TOP2A: variants seen among roughly 807,000 people sequenced by gnomAD.
The protein encoded by TOP2A is DNA topoisomerase II alpha, also known as DNA topoisomerase 2-alpha.
A neutral mutation model predicts 187.2 loss-of-function variants in TOP2A; 68 were observed. The observed-to-expected ratio is 0.36, with a 90% CI of 0.30 to 0.44. The LOEUF is 0.44. Among genes scored for constraint, TOP2A ranks in the 20% least tolerant of loss-of-function variants. TOP2A has a pLI of 1.00. For missense variants in TOP2A, 1,196 were observed against 1,808.7 expected (o/e 0.66, Z 6.14); for synonymous variants, 542 against 593.2 (o/e 0.91, Z 1.25).
Position 40,402,958 on chromosome 17 carries a change from G to A in TOP2A, c.2380C>T (p.Leu794=), listed in dbSNP as rs1490399368. ...CTAGCAGAATCCTTGCCACCATGTA[G>A]CCTGGTACCAAACTGACCAATGGGC... ...LQPIGQFGTR[L]HGGKDSASPR... The change falls in exon 20 of 35, where the codon CTA becomes TTA. Residue 794 remains leucine (L), a synonymous_variant. Transcript: ENST00000423485. 4 of 1,608,828 alleles carry A rather than the reference G, an allele frequency of 2.5e-6. No individual in the cohort carries two copies. In the East Asian group the frequency reaches 8.9e-5, roughly 36 times the overall value.
At chr17:40,395,937 G>A (rs999709383) in intron 28 of TOP2A, among the ~76,000 whole-genome samples, 2 of 151,566 alleles carry the variant, frequency 1.3e-5, no homozygotes, top group East Asian at 3.9e-4. Flanking sequence ...ATTTTAAGTG[G>A]ACATATGCAT....
In TOP2A at chr17:40,411,858, TA is replaced by T. The variant is rs758889993; in HGVS notation, c.790-41del. The T allele has an allele frequency of 6.7e-7, 1 of 1,498,516 alleles. No homozygotes were observed. Among genetic ancestry groups the T allele is most frequent in the African/African-American group, 1.4e-5 (1 of 71,072 alleles). 92.8% of individuals were successfully genotyped at this position (1,498,516 alleles called of 1,614,324 possible). On this transcript the variant is annotated intron_variant, in intron 7 of 34. Coordinates refer to ENST00000423485, the MANE Select transcript of TOP2A (RefSeq NM_001067.4). This position sits in a 1 kb window ranked among gnomAD's most constrained non-coding sequence, Gnocchi z 4.4. ...AAGGTAACAGTATTAAGAAAGTTAT[TA>T]AAAAATAGGTTCAATGATAGACTAT...
intron 29 of TOP2A, among the ~76,000 whole-genome samples, chr17:40,394,685 T>C (rs1180005178): frequency 2.0e-5 from 3 of 152,192 alleles, no homozygotes; most frequent in Non-Finnish European, 4.4e-5. Context: ...TCAATAAAGA[T>C]GTTTCAAAAA....
chr17:40,416,059 G>C lies in TOP2A; in HGVS notation c.278C>G (p.Ala93Gly). ...TTTTGGGTCCCTTTGTTTGTTGTCC[G>C]CAGCATTAACTGAAAGAAAATAAAA... The part of the protein sequence containing the change: ...KIFDEILVNA[A>G]DNKQRDPKMS... Residue 93 changes from alanine (A) to glycine (G), a missense_variant, in exon 4 of 35, where the codon GCG becomes GGG. Transcript: ENST00000423485. 1 of 1,576,494 alleles carries C rather than the reference G, an allele frequency of 6.3e-7. No homozygotes were observed. Among genetic ancestry groups the C allele is most frequent in the Admixed American group, 1.8e-5 (1 of 55,658 alleles).
chr17:40,400,384 G>T lies in TOP2A; in HGVS notation c.2825C>A (p.Pro942His). The T allele has an allele frequency of 6.2e-7, 1 of 1,612,934 alleles. No homozygotes were observed. Among genetic ancestry groups the T allele is most frequent in the Non-Finnish European group, 8.5e-7 (1 of 1,179,676 alleles). Reference sequence around the variant, plus strand: ...TGTCTTCTCGGTGCCATTCAACATGGGTTCTAGAACTTGTTCTTTGTATGT... The same window carrying T: ...TGTCTTCTCGGTGCCATTCAACATGTGTTCTAGAACTTGTTCTTTGTATGT... ...TQTYKEQVLE[P>H]MLNGTEKTPP... Residue 942 changes from proline (P) to histidine (H), a missense_variant, in exon 23 of 35, where the codon CCC (proline) becomes CAC (histidine). Transcript: ENST00000423485.
chr17:40,400,734 A>G, intron 21 of TOP2A, 71 bp from the exon 22 acceptor site: 1 of 1,542,088 alleles, frequency 6.5e-7, no homozygotes, highest in Admixed American at 2.0e-5. Context: ...ACAGCGTTTA[A>G]CAATAAATCT....
chr17:40,407,004 C>G lies in TOP2A; in HGVS notation c.1627-62G>C, dbSNP rs556162567. The G allele has an allele frequency of 2.6e-4, 347 of 1,348,188 alleles. No homozygotes were observed. The African/African-American group carries it at 4.3e-3, about 17-fold the overall frequency. 83.5% of individuals were successfully genotyped at this position (1,348,188 alleles called of 1,614,324 possible). A position where few individuals can be genotyped will look rare whatever the true frequency, so the allele number is the denominator to read the frequency against. On this transcript the variant is annotated intron_variant, in intron 13 of 34. Transcript: ENST00000423485. ...TTAGGCTGGGCGTGGTAGCTAACAT[C>G]TGTAATCCCAGAACTTTGGGAGGCC...
At position 40,411,596 on chromosome 17, in the gene TOP2A, A is replaced by G; in HGVS notation, c.963+49T>C. 5.7e-6 allele frequency: 9 copies of G among 1,573,754 alleles called. No homozygotes were observed. The highest frequency in any genetic ancestry group is 7.8e-6 in the Non-Finnish European group (9 of 1,150,544). On this transcript the variant is annotated intron_variant, in intron 8 of 34. Coordinates refer to ENST00000423485, the MANE Select transcript of TOP2A (RefSeq NM_001067.4). The surrounding 1 kb of genome is among the most constrained non-coding windows in gnomAD (Gnocchi z 4.4). ...TTTATATATTAAAAACAATAAGAAC[A>G]CATATATGTAAAGATAAATCATGAT...
rs760009669 is a variant in TOP2A, at chr17:40,404,205, C to G, written c.2230G>C (p.Val744Leu). Residue 744 changes from valine (V) to leucine (L), a missense_variant, in exon 19 of 35, where the codon GTT becomes CTT. Around this residue, in one of 10 missense-constraint regions of TOP2A, gnomAD observed 209 missense variants for 376.9 expected, o/e 0.55. Transcript: ENST00000423485. Reference protein sequence around the residue: ...FKRNDKREVKVAQLAGSVAEM... With the variant: ...FKRNDKREVKLAQLAGSVAEM... Reference sequence around the variant, plus strand: ...GCCACTGATCCAGCTAATTGGGCAACCTTTACTTCTCGCTTGTCATTCCGT... The same window carrying G: ...GCCACTGATCCAGCTAATTGGGCAAGCTTTACTTCTCGCTTGTCATTCCGT... 1 of 1,613,874 alleles carries G rather than the reference C, an allele frequency of 6.2e-7. No homozygotes were observed. Among genetic ancestry groups the G allele is most frequent in the Non-Finnish European group, 8.5e-7 (1 of 1,179,854 alleles).
Position 40,401,033 on chromosome 17 carries a change from C to T in TOP2A, c.2481G>A (p.Lys827=). Residue 827 remains lysine, a synonymous_variant, in exon 21 of 35, where the codon AAG becomes AAA. Transcript: ENST00000423485. Reference sequence around the variant, plus strand: ...CACGCTGGTTGTCATCATATAAAAACTTCAACGTGTGATCATCTTTTGGTG... The same window carrying T: ...CACGCTGGTTGTCATCATATAAAAATTTCAACGTGTGATCATCTTTTGGTG... ...LFPPKDDHTL[K]FLYDDNQRVE... The T allele has an allele frequency of 1.2e-6, 2 of 1,613,962 alleles. No homozygotes were observed. The highest frequency in any genetic ancestry group is 1.7e-6 in the Non-Finnish European group (2 of 1,179,868).
Position 40,403,072 on chromosome 17 carries a change from T to C in TOP2A, c.2284-18A>G, listed in dbSNP as rs1316759329. On this transcript the variant is annotated intron_variant, in intron 19 of 34. Coordinates refer to ENST00000423485, the MANE Select transcript of TOP2A (RefSeq NM_001067.4). ...AGTGACATCTGTGGGGAAAAAAAGA[T>C]TCATTAAGCTGAGGCTTTTACTAAT... 5.1e-6 allele frequency: 8 copies of C among 1,579,674 alleles called. No homozygotes were observed. The East Asian group carries it at 1.8e-4, about 36-fold the overall frequency.
At chr17:40,393,558 C>T (rs535361221) in intron 29 of TOP2A, among the ~76,000 whole-genome samples, 25 of 152,196 alleles carry the variant, frequency 1.6e-4, no homozygotes, top group Non-Finnish European at 1.8e-4. Context: ...AGAATTGAGA[C>T]TCCATACATA....
At chr17:40,409,205 A>G in intron 10 of TOP2A, 1 of 304,026 alleles carries the variant, frequency 3.3e-6, no homozygotes, top group Admixed American at 4.3e-5. Context: ...AAAAAAAAAA[A>G]AAAAAAAAAA....
chr17:40,412,775 T>C lies in TOP2A; in HGVS notation c.773A>G (p.Asn258Ser). The C allele has an allele frequency of 1.2e-6, 2 of 1,613,752 alleles. No individual in the cohort carries two copies. The highest frequency in any genetic ancestry group is 1.7e-6 in the Non-Finnish European group (2 of 1,179,652). Residue 258 changes from asparagine to serine, a missense_variant, in exon 7 of 35, where the codon AAT (asparagine) becomes AGT (serine). Coordinates refer to ENST00000423485, the MANE Select transcript of TOP2A (RefSeq NM_001067.4). Reference protein sequence around the residue: ...GSTKDVKVFLNGNKLPVKGFR... With the variant: ...GSTKDVKVFLSGNKLPVKGFR... Reference sequence around the variant, plus strand: ...AATACTCACTGGCAGTTTATTTCCATTAAGAAAGACTTTGACATCTTTGGT... The same window carrying C: ...AATACTCACTGGCAGTTTATTTCCACTAAGAAAGACTTTGACATCTTTGGT...
chr17:40,415,078 A>G (rs2143692324), intron 4 of TOP2A, among the ~76,000 whole-genome samples: 1 of 149,004 alleles, frequency 6.7e-6, no homozygotes, highest in Admixed American at 6.7e-5. Flanking sequence ...TTTTTGAGAC[A>G]GAGTCTTGCT....
intron 1 of TOP2A, among the ~76,000 whole-genome samples, chr17:40,417,200 A>G (rs2035401517): frequency 6.6e-6 from 1 of 152,108 alleles, no homozygotes. Context: ...TCCTGCATAC[A>G]TTATTTACCG....
At chr17:40,393,800 G>A (rs2035056124) in intron 29 of TOP2A, among the ~76,000 whole-genome samples, 1 of 152,008 alleles carries the variant, frequency 6.6e-6, no homozygotes, top group South Asian at 2.1e-4. Flanking sequence ...TTACCTTCAC[G>A]GGCTTAGCAA....
chr17:40,403,022 A>G lies in TOP2A; in HGVS notation c.2316T>C (p.Ala772=). The G allele has an allele frequency of 1.9e-6, 3 of 1,600,970 alleles. No homozygotes were observed. The highest frequency in any genetic ancestry group is 2.6e-6 in the Non-Finnish European group (3 of 1,173,060). Residue 772 remains alanine (A), a synonymous_variant, in exon 20 of 35, where the codon GCT becomes GCC. Coordinates refer to ENST00000423485, the MANE Select transcript of TOP2A (RefSeq NM_001067.4). ...GATTATTGCTACCCACAAAATTCTG[A>G]GCCAAATTGATAATGGTCATCATTA... ...MSLMMTIINL[A]QNFVGSNNLN...
chr17:40,406,620 G>A lies in TOP2A; in HGVS notation c.1807C>T (p.Pro603Ser). ...PEFEEWKSST[P>S]NHKKWKVKYY... The stretch of plus-strand genomic sequence containing the variant: ...TTGACTTTCCATTTTTTATGATTTG[G>A]AGTAGAACTCTTCCACTCTTCAAAT... Residue 603 changes from proline to serine, a missense_variant, in exon 15 of 35, where the codon CCA (proline) becomes TCA (serine). Transcript: ENST00000423485. The A allele has an allele frequency of 6.2e-7, 1 of 1,612,366 alleles. No individual in the cohort carries two copies. The highest frequency in any genetic ancestry group is 1.1e-5 in the South Asian group (1 of 90,940).
Sources: allele counts gnomAD v4.1 joint callset (sites outside exome capture counted in the v4.1 genomes callset), GRCh38; gene constraint gnomAD v4.1.1; regional missense constraint gnomAD v4.1.1; non-coding constraint Gnocchi (gnomAD v3.1); transcripts MANE v1.5; gene names NCBI Gene and HGNC (gene_info 2026-07-23, HGNC 2026-07-21).